BTK: variants seen among roughly 807,000 people sequenced by gnomAD.
BTK encodes the protein tyrosine-protein kinase BTK.
BTK carries 5 observed loss-of-function variants against 57.4 expected under a neutral mutation model. The ratio of observed to expected loss-of-function variants is 0.09; its 90% CI spans 0.05 to 0.18. The LOEUF (loss-of-function observed/expected upper bound fraction) is 0.18. Among genes scored for constraint, BTK ranks in the 10% least tolerant of loss-of-function variants. The pLI, the probability that BTK is intolerant of heterozygous loss-of-function variation, is 1.00. For missense variants in BTK, 194 were observed against 501.2 expected (o/e 0.39, Z 5.85); for synonymous variants, 154 against 174.3 (o/e 0.88, Z 0.92).
At chrX:101,360,257 T>C (rs1926619524) in intron 8 of BTK, 107 bp from the exon 9 acceptor site, 2 of 601,931 alleles carry the variant, frequency 3.3e-6, no homozygotes, top group South Asian at 2.2e-5. Flanking sequence ...AATGGAGGTA[T>C]ATGTATCATG....
intron 2 of BTK, 68 bp from the exon 3 acceptor site, chrX:101,374,702 T>C: frequency 1.7e-5 from 16 of 928,016 alleles, no homozygotes; most frequent in Non-Finnish European, 2.5e-5. Context: ...ATGATTAGAT[T>C]TTGTTATCTA....
intron 3 of BTK, among the ~76,000 whole-genome samples, chrX:101,373,088 T>C (rs1400161188): frequency 1.8e-5 from 2 of 108,164 alleles, no homozygotes; most frequent in East Asian, 5.8e-4. Flanking sequence ...TCTCAGAAAA[T>C]AATAATAATA....
intron 5 of BTK, among the ~76,000 whole-genome samples, chrX:101,363,133 G>C (rs191590229): frequency 1.8e-5 from 2 of 111,749 alleles, no homozygotes; most frequent in East Asian, 5.7e-4. Flanking sequence ...GCCTTAGTGA[G>C]AACTTCTGCA....
At chrX:101,350,811 T>C (rs1358368927) in intron 18 of BTK, among the ~76,000 whole-genome samples, 3 of 111,405 alleles carry the variant, frequency 2.7e-5, no homozygotes, top group Non-Finnish European at 5.7e-5. Context: ...TATTTAGTGG[T>C]TCAGGGAACA....
At chrX:101,387,563 G>T (rs1376287808), upstream of BTK, among the ~76,000 whole-genome samples, 1 of 109,192 alleles carries the variant, frequency 9.2e-6, no homozygotes, top group Non-Finnish European at 1.9e-5. Flanking sequence ...TGTTGCCCAG[G>T]CTGGTCTCAA....
chrX:101,380,117 A>G (rs1328372033), intron 1 of BTK, among the ~76,000 whole-genome samples: 1 of 110,433 alleles, frequency 9.1e-6, no homozygotes, highest in Non-Finnish European at 1.9e-5. Flanking sequence ...TATACCTTCT[A>G]TTTTTTTGAG....
Position 101,349,823 on chromosome X carries a change from T to G in BTK, c.*62A>C. 6.4e-5 allele frequency: 68 copies of G among 1,059,715 alleles called. No homozygotes were observed. The highest frequency in any genetic ancestry group is 8.3e-5 in the Non-Finnish European group (63 of 758,717). The allele number at this position is 1,059,715 out of a possible 1,213,427, so 87.3% of individuals were successfully genotyped here. On this transcript the variant is annotated 3_prime_UTR_variant, in exon 19 of 19. Transcript: ENST00000308731. Reference sequence around the variant, plus strand: ...GGGCTCCTAAGCTTGGGATTTCCTCTGAGAAAGTGAAATTGGGGCTTGTGG... The same window carrying G: ...GGGCTCCTAAGCTTGGGATTTCCTCGGAGAAAGTGAAATTGGGGCTTGTGG...
At chrX:101,372,176 T>C (rs1459022650) in intron 3 of BTK, among the ~76,000 whole-genome samples, 2 of 112,112 alleles carry the variant, frequency 1.8e-5, no homozygotes, top group African/African-American at 3.2e-5. Context: ...CTGAACTAAT[T>C]TGATGACATA....
At chrX:101,351,472 AAAG>A (rs1348353364) in intron 18 of BTK, among the ~76,000 whole-genome samples, 2 of 111,624 alleles carry the variant, frequency 1.8e-5, no homozygotes, top group Non-Finnish European at 3.8e-5. Flanking sequence ...CACACAGAAG[AAAG>A]AAGGAGTCCT....
upstream of BTK, among the ~76,000 whole-genome samples, chrX:101,387,589 C>T (rs1399003615): frequency 1.8e-5 from 2 of 109,683 alleles, no homozygotes; most frequent in African/African-American, 3.3e-5. Flanking sequence ...TGGGCTCAAG[C>T]GATACTCCTG....
At chrX:101,376,541 C>A (rs1316903083) in intron 1 of BTK, among the ~76,000 whole-genome samples, 1 of 111,304 alleles carries the variant, frequency 9.0e-6, no homozygotes, top group Non-Finnish European at 1.9e-5. Flanking sequence ...GCAGGAGAAT[C>A]GCTTGAACCC....
chrX:101,350,400 C>T (rs1425640264), intron 18 of BTK, among the ~76,000 whole-genome samples: 1 of 93,024 alleles, frequency 1.1e-5, no homozygotes, highest in Non-Finnish European at 2.1e-5. Context: ...GTACCTGGGA[C>T]CTTTTTTTTT....
chrX:101,357,377 GA>G, intron 13 of BTK, 131 bp downstream of exon 13: 1 of 595,828 alleles, frequency 1.7e-6, no homozygotes, highest in Non-Finnish European at 2.9e-6. Flanking sequence ...CTTTTGCTTG[GA>G]TCTGTCTTGA....
chrX:101,357,623 G>A (rs782138582), intron 12 of BTK, 40 bp from the exon 13 acceptor site: 1 of 1,103,937 alleles, frequency 9.1e-7, no homozygotes, highest in Admixed American at 2.2e-5. Flanking sequence ...GTGTGGTGTA[G>A]GAGGTGGGAT....
At chrX:101,353,601 C>T (rs1374436570) in intron 17 of BTK, among the ~76,000 whole-genome samples, 10 of 111,313 alleles carry the variant, frequency 9.0e-5, no homozygotes, top group Admixed American at 1.9e-4. Context: ...TGGCAGAGTG[C>T]CTGGTACATA....
chrX:101,359,359 G>A lies in BTK; in HGVS notation c.840-12C>T, dbSNP rs1455120384. On this transcript the variant is annotated splice_polypyrimidine_tract_variant and intron_variant, in intron 9 of 18. Transcript: ENST00000308731. ...GTTTGGAATACCACCTGTGAAGGGAGAGTGCTGCTTGAGTGGCTCCTGGTC... is the reference window on the plus strand; with the variant it reads ...GTTTGGAATACCACCTGTGAAGGGAAAGTGCTGCTTGAGTGGCTCCTGGTC... The A allele has an allele frequency of 8.3e-7, 1 of 1,208,902 alleles. No homozygotes were observed. Among genetic ancestry groups the A allele is most frequent in the Non-Finnish European group, 1.1e-6 (1 of 894,340 alleles).
chrX:101,384,410 C>G (rs185643059), intron 1 of BTK, among the ~76,000 whole-genome samples: 287 of 111,453 alleles, frequency 2.6e-3, no homozygotes, highest in African/African-American at 7.7e-3. Context: ...CCAGCCTGAC[C>G]AACATGGAGA....
Position 101,359,354 on chromosome X carries a change from A to G in BTK, c.840-7T>C, listed in dbSNP as rs1555978287. On this transcript the variant is annotated splice_region_variant and splice_polypyrimidine_tract_variant and intron_variant, in intron 9 of 18. Transcript: ENST00000308731. ...CATGTGTTTGGAATACCACCTGTGA[A>G]GGGAGAGTGCTGCTTGAGTGGCTCC... is the stretch of plus-strand genomic sequence containing the variant. The G allele has an allele frequency of 8.3e-7, 1 of 1,211,027 alleles. No individual in the cohort carries two copies. Among genetic ancestry groups the G allele is most frequent in the South Asian group, 1.8e-5 (1 of 56,967 alleles).
rs782784765 is a variant in BTK at position 101,353,364 on chromosome X, A to T, written c.1751-13T>A. 1 of 1,206,881 alleles carries T rather than the reference A, an allele frequency of 8.3e-7. No individual in the cohort carries two copies. Among genetic ancestry groups the T allele is most frequent in the African/African-American group, 1.7e-5 (1 of 57,588 alleles). ...CACATCAAAACCCCTAGAAGGTGAAAAAAATTATTAAATTGGTTTGCAGTC... is the reference window on the plus strand; with the variant it reads ...CACATCAAAACCCCTAGAAGGTGAATAAAATTATTAAATTGGTTTGCAGTC... On this transcript the variant is annotated splice_polypyrimidine_tract_variant and intron_variant, in intron 17 of 18. Transcript: ENST00000308731.
Sources: allele counts gnomAD v4.1 joint callset (sites outside exome capture counted in the v4.1 genomes callset), GRCh38; gene constraint gnomAD v4.1.1; transcripts MANE v1.5; gene names NCBI Gene and HGNC (gene_info 2026-07-23, HGNC 2026-07-21).